The following SUMF1 variants were observed in gnomAD, a reference collection of about 807,000 sequenced individuals.
SUMF1 encodes formylglycine-generating enzyme.
Under a neutral mutation model 47.6 loss-of-function variants are expected in SUMF1, and 48 were observed. The observed-to-expected ratio is 1.01, with a 90% CI of 0.80 to 1.28. The LOEUF (loss-of-function observed/expected upper bound fraction) is 1.28, where lower values mean the gene tolerates loss of function less well. Among genes scored for constraint, SUMF1 ranks in the 50% most tolerant of loss-of-function variants. The pLI, the probability that SUMF1 is intolerant of heterozygous loss-of-function variation, is 0.00. For missense variants in SUMF1, 571 were observed against 485.4 expected (o/e 1.18, Z -1.66); for synonymous variants, 230 against 192.1 (o/e 1.20, Z -1.63).
At chr3:4,149,803 A>G (rs73010794) in intron 8 of SUMF1, among the ~76,000 whole-genome samples, 6,952 of 152,214 alleles carry the variant, frequency 0.046, 234 homozygotes, top group Non-Finnish European at 0.068. Context: ...AGAGGTGCCT[A>G]GAGGTAAAGC....
chr3:4,382,754 G>C (rs143423321), intron 7 of SUMF1, among the ~76,000 whole-genome samples: 9 of 152,276 alleles, frequency 5.9e-5, no homozygotes, highest in Admixed American at 4.6e-4. Context: ...AAAAGGATGA[G>C]CTCATGTCCT....
intron 8 of SUMF1, among the ~76,000 whole-genome samples, chr3:4,277,803 C>A (rs1697449371): frequency 6.6e-6 from 1 of 152,014 alleles, no homozygotes; most frequent in Non-Finnish European, 1.5e-5. Flanking sequence ...ACGAGGTCAC[C>A]ACAGCCTAGG....
intron 8 of SUMF1, among the ~76,000 whole-genome samples, chr3:4,262,055 C>A (rs148589996): frequency 1.8e-4 from 28 of 152,280 alleles, no homozygotes; most frequent in African/African-American, 6.3e-4. Flanking sequence ...CTGACCACAT[C>A]TCTGATATTC....
chr3:4,143,262 A>ATT (rs1213336202), intron 8 of SUMF1, among the ~76,000 whole-genome samples: 1 of 152,148 alleles, frequency 6.6e-6, no homozygotes, highest in African/African-American at 2.4e-5. Flanking sequence ...TAAGTGCCAG[A>ATT]TTCAAGAACA....
At chr3:4,218,070 A>C (rs1695977074) in intron 8 of SUMF1, among the ~76,000 whole-genome samples, 1 of 152,088 alleles carries the variant, frequency 6.6e-6, no homozygotes, top group South Asian at 2.1e-4. Context: ...GGAGGGAAGG[A>C]TTTCTCAGAG....
intron 8 of SUMF1, among the ~76,000 whole-genome samples, chr3:4,074,781 T>A (rs763597748): frequency 3.9e-5 from 6 of 152,054 alleles, no homozygotes; most frequent in Non-Finnish European, 8.8e-5. Flanking sequence ...CACCCAAGAC[T>A]AAACCAGGAA....
At chr3:4,319,428 G>T (rs1407603669) in intron 8 of SUMF1, among the ~76,000 whole-genome samples, 1 of 152,154 alleles carries the variant, frequency 6.6e-6, no homozygotes, top group African/African-American at 2.4e-5. Flanking sequence ...CATAGTGAGG[G>T]AAGGAATTAA....
chr3:4,097,302 G>C (rs568417301), intron 8 of SUMF1, among the ~76,000 whole-genome samples: 1 of 152,216 alleles, frequency 6.6e-6, no homozygotes, highest in Admixed American at 6.5e-5. Flanking sequence ...TGTAATCCCA[G>C]CACTTTGGGA....
Position 4,276,608 on chromosome 3 carries a change from C to T in SUMF1, c.1014+99722G>A, listed in dbSNP as rs1408226368. 2.6e-5 allele frequency among the ~76,000 whole-genome samples: 4 copies of T among 152,078 alleles called. No individual in the cohort carries two copies. In the East Asian group the frequency reaches 7.7e-4, roughly 29 times the overall value. ...CATGATTTATCAGTTCCTTCTCAAC[C>T]CCACAATTTATTATTGCAAGATATA... On this transcript the variant is annotated intron_variant and NMD_transcript_variant, in intron 8 of 12. Transcript: ENST00000448413.
At chr3:4,226,558 G>A (rs1221628026) in intron 8 of SUMF1, among the ~76,000 whole-genome samples, 2 of 151,958 alleles carry the variant, frequency 1.3e-5, no homozygotes, top group African/African-American at 2.4e-5. Context: ...ATGAGCCACT[G>A]TGCCTGGCCA....
At chr3:4,066,722 T>C (rs1472189905) in intron 9 of SUMF1, among the ~76,000 whole-genome samples, 3 of 152,164 alleles carry the variant, frequency 2.0e-5, no homozygotes, top group Non-Finnish European at 4.4e-5. Flanking sequence ...TCCCGGCCGA[T>C]GTCACCTGCA....
At chr3:4,270,195 C>T (rs555468828) in intron 8 of SUMF1, among the ~76,000 whole-genome samples, 3 of 152,108 alleles carry the variant, frequency 2.0e-5, no homozygotes, top group Admixed American at 1.3e-4. Flanking sequence ...GAGTCAATGA[C>T]CTTGGGCTCC....
At position 4,410,894 on chromosome 3, in the gene SUMF1, G is replaced by A; in HGVS notation, c.925C>T (p.His309Tyr). The A allele has an allele frequency of 6.2e-7, 1 of 1,614,062 alleles. No individual in the cohort carries two copies. The highest frequency in any genetic ancestry group is 1.1e-5 in the South Asian group (1 of 91,080). The change falls in exon 7 of 9, where the codon CAT becomes TAT. Residue 309 changes from histidine (H) to tyrosine (Y), a missense_variant. Coordinates refer to ENST00000272902, the MANE Select transcript of SUMF1 (RefSeq NM_182760.4). Reference protein sequence around the residue: ...WEWTSDWWTVHHSVEETLNPK... With the variant: ...WEWTSDWWTVYHSVEETLNPK... ...TTAAGCGTTTCTTCAACAGAATGAT[G>A]AACAGTCCACCAGTCTGAAGTCCAT...
chr3:4,093,677 T>G (rs1009836993), intron 8 of SUMF1, among the ~76,000 whole-genome samples: 1 of 151,914 alleles, frequency 6.6e-6, no homozygotes, highest in Non-Finnish European at 1.5e-5. Context: ...GGGGAAACAA[T>G]AAGGGAAAAG....
chr3:4,165,345 C>G (rs560092122), intron 8 of SUMF1, among the ~76,000 whole-genome samples: 1 of 152,196 alleles, frequency 6.6e-6, no homozygotes, highest in South Asian at 2.1e-4. Context: ...GCTAAATTCC[C>G]TTCCCCTTAC....
intron 7 of SUMF1, among the ~76,000 whole-genome samples, chr3:4,393,306 C>T (rs764592075): frequency 8.6e-5 from 13 of 152,046 alleles, no homozygotes; most frequent in Non-Finnish European, 1.3e-4. Context: ...CTTTGGTTTT[C>T]GCCACCAGTC....
chr3:4,446,500 C>T (rs192158260), intron 3 of SUMF1, among the ~76,000 whole-genome samples: 13 of 152,224 alleles, frequency 8.5e-5, no homozygotes, highest in Admixed American at 5.9e-4. Flanking sequence ...ATTAGCAGCA[C>T]GAGAAGAGAC....
chr3:4,391,897 G>C (rs543779117), intron 7 of SUMF1, among the ~76,000 whole-genome samples: 1 of 149,736 alleles, frequency 6.7e-6, no homozygotes, highest in East Asian at 2.0e-4. Context: ...GTGCAATCTT[G>C]GTTCACCACA....
rs182027081 is a variant in SUMF1 at position 4,102,067 on chromosome 3, C to T, written c.1015-33322G>A. 6.9e-4 allele frequency among the ~76,000 whole-genome samples: 105 copies of T among 152,274 alleles called. 3 individuals carry two copies. Among genetic ancestry groups the T allele is most frequent in the African/African-American group, 2.3e-3 (97 of 41,534 alleles). On this transcript the variant is annotated intron_variant and NMD_transcript_variant, in intron 8 of 12. Coordinates refer to the SUMF1 transcript ENST00000448413. ...CAAGAGAACAGCACCATGGGGGTAA[C>T]TGCCTCCATGACTCAATTAACTCCC...
Sources: gnomAD v4.1 joint callset for allele counts (sites outside exome capture counted in the v4.1 genomes callset) on GRCh38, gnomAD v4.1.1 for gene constraint, MANE v1.5 for transcripts, NCBI Gene and HGNC (gene_info 2026-07-23, HGNC 2026-07-21) for gene names.